The following PWWP3B variants were observed in gnomAD, a reference collection of about 807,000 sequenced individuals.
PWWP3B encodes PWWP domain containing 3B.
A neutral mutation model predicts 15.7 loss-of-function variants in PWWP3B; 5 were observed. That is an observed-to-expected ratio of 0.32 (90% confidence interval 0.17 to 0.67). PWWP3B has a LOEUF of 0.67. PWWP3B is among the 30% of genes least tolerant of loss of function. The pLI is 0.74. For synonymous variants in PWWP3B, 203 were observed against 179.8 expected (o/e 1.13, Z -1.03); for missense variants, 519 against 493.1 (o/e 1.05, Z -0.50).
In PWWP3B at chrX:106,208,652, T is replaced by C. The variant is rs1219187208; in HGVS notation, c.*1129T>C. 8.1e-6 allele frequency: 1 copy of C among 124,181 alleles called. No homozygotes were observed. Among genetic ancestry groups the C allele is most frequent in the Non-Finnish European group, 1.9e-5 (1 of 53,461 alleles). The allele number at this position is 124,181 out of a possible 1,213,427, so 10.2% of individuals were successfully genotyped here. On this transcript the variant is annotated 3_prime_UTR_variant, in exon 4 of 4. Coordinates refer to ENST00000357175, the MANE Select transcript of PWWP3B (RefSeq NM_001171020.2). The stretch of plus-strand genomic sequence containing the variant: ...AAATAGGTCACAGAAAAAGCCTCCA[T>C]TTGGCTAAATATGACAATTATCTGA...
intron 2 of PWWP3B, among the ~76,000 whole-genome samples, chrX:106,189,685 T>G (rs1228620471): frequency 3.9e-5 from 4 of 102,094 alleles, no homozygotes; most frequent in Admixed American, 3.2e-4. Flanking sequence ...TGGCGTGATC[T>G]CGGCTCACTG....
At chrX:106,200,265 G>A (rs1923621999) in intron 2 of PWWP3B, among the ~76,000 whole-genome samples, 1 of 111,651 alleles carries the variant, frequency 9.0e-6, no homozygotes, top group Non-Finnish European at 1.9e-5. Context: ...TTAGAACAGA[G>A]AAACTTGCCC....
intron 2 of PWWP3B, among the ~76,000 whole-genome samples, chrX:106,191,307 A>G (rs1339757606): frequency 4.5e-5 from 5 of 110,648 alleles, no homozygotes; most frequent in Non-Finnish European, 7.6e-5. Flanking sequence ...CTTTGAAGCA[A>G]TTGTGAATGG....
chrX:106,177,986 TAAG>T (rs200763976), intron 2 of PWWP3B, among the ~76,000 whole-genome samples: 2,111 of 112,160 alleles, frequency 0.019, 52 homozygotes, highest in African/African-American at 0.064. Flanking sequence ...GTTTTCATAA[TAAG>T]AAGAGCAAAA....
chrX:106,183,561 C>T (rs1480337618), intron 2 of PWWP3B, among the ~76,000 whole-genome samples: 1 of 111,790 alleles, frequency 8.9e-6, no homozygotes. Flanking sequence ...GCTAATATGT[C>T]CCTCCCTAAT....
At chrX:106,169,665 T>C (rs1409318372) in intron 1 of PWWP3B, among the ~76,000 whole-genome samples, 1 of 111,903 alleles carries the variant, frequency 8.9e-6, no homozygotes, top group Non-Finnish European at 1.9e-5. Context: ...TTTATACTCC[T>C]GAGGAATAAT....
At chrX:106,204,542 T>C (rs1201198670) in intron 3 of PWWP3B, among the ~76,000 whole-genome samples, 3 of 112,210 alleles carry the variant, frequency 2.7e-5, no homozygotes, top group Non-Finnish European at 1.9e-5. Context: ...ATTCTGAATC[T>C]CTGCCTTCTA....
rs1274935560 is a variant in PWWP3B, at chrX:106,189,762, C to T, written c.-400-14223C>T. Among the ~76,000 whole-genome samples, 368 of 109,171 alleles carry T rather than the reference C, an allele frequency of 3.4e-3. 3 individuals are homozygous for T. Among genetic ancestry groups the T allele is most frequent in the African/African-American group, 0.012 (346 of 30,014 alleles). 94.8% of individuals were successfully genotyped at this position (109,171 alleles called of 115,157 possible). ...CCTCCCGAGTAGCTGGGACTACAGG[C>T]GCCTGCTACCACGCCCGGCTAATTT... On this transcript the variant is annotated intron_variant, in intron 2 of 3. Coordinates refer to ENST00000357175, the MANE Select transcript of PWWP3B (RefSeq NM_001171020.2).
At chrX:106,178,490 C>T (rs1009171276) in intron 2 of PWWP3B, among the ~76,000 whole-genome samples, 1 of 112,027 alleles carries the variant, frequency 8.9e-6, no homozygotes. Flanking sequence ...TATAAACCAG[C>T]CTGCTAATGG....
intron 2 of PWWP3B, among the ~76,000 whole-genome samples, chrX:106,175,959 C>G (rs1385427510): frequency 9.0e-6 from 1 of 111,199 alleles, no homozygotes; most frequent in East Asian, 2.8e-4. Flanking sequence ...ACTGAACAAA[C>G]TGGATAGATA....
At position 106,192,414 on chromosome X, in the gene PWWP3B, T is replaced by C. The variant is rs1333573806; in HGVS notation, c.-400-11571T>C. Among the ~76,000 whole-genome samples the C allele has an allele frequency of 2.7e-5, 3 of 111,917 alleles. No individual in the cohort carries two copies. The Admixed American group carries it at 2.8e-4, about 11-fold the overall frequency. On this transcript the variant is annotated intron_variant, in intron 2 of 3. Coordinates refer to ENST00000357175, the MANE Select transcript of PWWP3B (RefSeq NM_001171020.2). ...CCCCTTTATCATTTTTTATTGCATC[T>C]ATTTGATTCTTCTCTCTTTTCTTCT... is the stretch of plus-strand genomic sequence containing the variant.
chrX:106,192,906 A>G (rs1437179787), intron 2 of PWWP3B, among the ~76,000 whole-genome samples: 1 of 111,104 alleles, frequency 9.0e-6, no homozygotes, highest in Non-Finnish European at 1.9e-5. Flanking sequence ...GGTCTGAGAG[A>G]CAGTTTGTTA....
intron 2 of PWWP3B, among the ~76,000 whole-genome samples, chrX:106,192,405 T>G (rs2147617185): frequency 8.9e-6 from 1 of 111,904 alleles, no homozygotes; most frequent in South Asian, 3.8e-4. Context: ...TATCATTTTT[T>G]ATTGCATCTA....
At position 106,186,360 on chromosome X, in the gene PWWP3B, T is replaced by G. The variant is rs779794208; in HGVS notation, c.-401+15221T>G. On this transcript the variant is annotated intron_variant, in intron 2 of 3. Coordinates refer to ENST00000357175, the MANE Select transcript of PWWP3B (RefSeq NM_001171020.2). ...ACCAACACTCCCAACTCCGAAGCAT[T>G]GGGGTTTGTTAGAGAGCCCTTTCCC... Among the ~76,000 whole-genome samples, 16 of 111,057 alleles carry G rather than the reference T, an allele frequency of 1.4e-4. No individual in the cohort carries two copies. The East Asian group carries it at 4.6e-3, about 32-fold the overall frequency.
intron 2 of PWWP3B, among the ~76,000 whole-genome samples, chrX:106,182,433 C>A (rs1922262774): frequency 9.0e-6 from 1 of 111,090 alleles, no homozygotes; most frequent in Admixed American, 9.6e-5. Context: ...AGGTGCCTGT[C>A]CAGTTAGTGG....
intron 2 of PWWP3B, among the ~76,000 whole-genome samples, chrX:106,199,326 G>A (rs1468242891): frequency 3.6e-5 from 4 of 111,943 alleles, no homozygotes; most frequent in Non-Finnish European, 7.5e-5. Flanking sequence ...AAAGTGCTGG[G>A]ATTACAGGCG....
chrX:106,206,646 T>C lies in PWWP3B; in HGVS notation c.1214T>C (p.Phe405Ser), dbSNP rs1026870691. 1.7e-6 allele frequency: 2 copies of C among 1,210,122 alleles called. No homozygotes were observed. The highest frequency in any genetic ancestry group is 3.5e-5 in the African/African-American group (2 of 57,897). ...IVWFKYQKYP[F>S]WPAVIKSIRR... is the part of the protein sequence containing the mutation. ...TGGTTTAAATATCAGAAATATCCAT[T>C]TTGGCCAGCAGTGATAAAAAGTATC... Residue 405 changes from phenylalanine (F) to serine (S), a missense_variant, in exon 4 of 4, where the codon TTT becomes TCT. Coordinates refer to ENST00000357175, the MANE Select transcript of PWWP3B (RefSeq NM_001171020.2).
chrX:106,192,984 G>T (rs1923098756), intron 2 of PWWP3B, among the ~76,000 whole-genome samples: 2 of 111,358 alleles, frequency 1.8e-5, no homozygotes, highest in Admixed American at 9.5e-5. Flanking sequence ...TTTTGGAGTG[G>T]GTGTGATGTG....
Position 106,172,371 on chromosome X carries a change from C to T in PWWP3B, c.-401+1232C>T, listed in dbSNP as rs772060358. ...TTGTAATAATACCTTAAAGCACTAA[C>T]ACATTGTACAGCAGTAAAAAAAATA... On this transcript the variant is annotated intron_variant, in intron 2 of 3. Transcript: ENST00000357175. 4.5e-5 allele frequency among the ~76,000 whole-genome samples: 5 copies of T among 111,420 alleles called. No homozygotes were observed. The East Asian group carries it at 1.4e-3, about 31-fold the overall frequency.
Sources: allele counts gnomAD v4.1 joint callset (sites outside exome capture counted in the v4.1 genomes callset), GRCh38; gene constraint gnomAD v4.1.1; transcripts MANE v1.5; gene names NCBI Gene and HGNC (gene_info 2026-07-23, HGNC 2026-07-21).